The following COPS3 variants were observed in gnomAD, a reference collection of about 807,000 sequenced individuals.
COPS3 encodes the protein COP9 signalosome subunit 3, also known as COP9 signalosome complex subunit 3.
A neutral mutation model predicts 58.2 loss-of-function variants in COPS3; 10 were observed. That is an observed-to-expected ratio of 0.17 (90% CI 0.11 to 0.29). The LOEUF (loss-of-function observed/expected upper bound fraction) is 0.29. Among genes scored for constraint, COPS3 ranks in the 10% least tolerant of loss-of-function variants. COPS3 has a pLI of 1.00. For synonymous variants in COPS3, 187 were observed against 181.7 expected (o/e 1.03, Z -0.24); for missense variants, 333 against 510.1 (o/e 0.65, Z 3.34).
At chr17:17,280,835 C>T in intron 1 of COPS3, 1 of 1,231,940 alleles carries the variant, frequency 8.1e-7, no homozygotes, top group South Asian at 1.7e-5. Flanking sequence ...TGGCGGAAGT[C>T]ACGCCCCCAA....
At chr17:17,280,755 G>A (rs1040181007) in intron 1 of COPS3, 56 of 1,246,428 alleles carry the variant, frequency 4.5e-5, no homozygotes, top group Non-Finnish European at 3.9e-5. Flanking sequence ...CGGCAAAGAT[G>A]ACATGGCGGT....
At chr17:17,247,221 C>T (rs1304623153) in intron 11 of COPS3, 70 bp from the exon 12 acceptor site, 8 of 1,432,422 alleles carry the variant, frequency 5.6e-6, no homozygotes, top group Non-Finnish European at 7.9e-6. Context: ...GCCCAATAAG[C>T]ACACCAGTTG....
intron 1 of COPS3, among the ~76,000 whole-genome samples, chr17:17,278,259 A>G (rs925827694): frequency 6.6e-6 from 1 of 152,232 alleles, no homozygotes; most frequent in Non-Finnish European, 1.5e-5. Context: ...TTCTGGTAAC[A>G]GTGAGGATAT....
At chr17:17,249,095 G>C in intron 9 of COPS3, 56 bp from the exon 10 acceptor site, 1 of 901,796 alleles carries the variant, frequency 1.1e-6, no homozygotes. Context: ...AATGCTATAT[G>C]AATAGTCATC....
chr17:17,274,327 T>C (rs1175724058), intron 2 of COPS3, among the ~76,000 whole-genome samples: 4 of 152,068 alleles, frequency 2.6e-5, no homozygotes, highest in Non-Finnish European at 4.4e-5. Flanking sequence ...AATTACAAAG[T>C]GTAAATACAG....
intron 4 of COPS3, among the ~76,000 whole-genome samples, chr17:17,270,236 G>C (rs1767754285): frequency 6.6e-6 from 1 of 151,682 alleles, no homozygotes; most frequent in Non-Finnish European, 1.5e-5. Flanking sequence ...CTAATTTTTA[G>C]GCTTTACCCA....
At chr17:17,262,676 G>A (rs1400087993) in intron 6 of COPS3, among the ~76,000 whole-genome samples, 1 of 151,996 alleles carries the variant, frequency 6.6e-6, no homozygotes, top group Non-Finnish European at 1.5e-5. Flanking sequence ...CTTGCAGTGA[G>A]CTGAGATTGC....
At chr17:17,274,541 C>CA (rs1236794714) in intron 2 of COPS3, among the ~76,000 whole-genome samples, 1 of 151,664 alleles carries the variant, frequency 6.6e-6, no homozygotes, top group East Asian at 1.9e-4. Context: ...TCTCCTGCCT[C>CA]AGCCTCCCGA....
intron 1 of COPS3, chr17:17,280,575 A>G: frequency 7.8e-7 from 1 of 1,288,192 alleles, no homozygotes; most frequent in Non-Finnish European, 1.0e-6. Context: ...GAGTCCTACG[A>G]GCGAGAGCTT....
intron 9 of COPS3, among the ~76,000 whole-genome samples, chr17:17,253,580 A>G (rs957713283): frequency 2.0e-5 from 3 of 152,094 alleles, no homozygotes; most frequent in Non-Finnish European, 4.4e-5. Flanking sequence ...GGCCTCCTTT[A>G]TGTCAGTGCT....
chr17:17,270,273 C>A (rs1196131678), intron 4 of COPS3, among the ~76,000 whole-genome samples: 1 of 150,420 alleles, frequency 6.6e-6, no homozygotes, highest in Non-Finnish European at 1.5e-5. Context: ...TAAAGAACAG[C>A]AATAGCATAT....
chr17:17,268,129 C>A, intron 4 of COPS3, 152 bp from the exon 5 acceptor site: 1 of 1,162,808 alleles, frequency 8.6e-7, no homozygotes, highest in Non-Finnish European at 1.1e-6. Context: ...AAATTTCTGT[C>A]CCATTTAAGT....
chr17:17,266,686 C>T lies in COPS3; in HGVS notation c.441+1199G>A, dbSNP rs536344298. Reference sequence around the variant, plus strand: ...TAGTGGTGCACGTCCACAATCCCAGCTACTCAGGAGGCTGAGGAAGGAGAA... The same window carrying T: ...TAGTGGTGCACGTCCACAATCCCAGTTACTCAGGAGGCTGAGGAAGGAGAA... On this transcript the variant is annotated intron_variant, in intron 5 of 11. Coordinates refer to ENST00000268717, the MANE Select transcript of COPS3 (RefSeq NM_003653.4). Among the ~76,000 whole-genome samples the T allele has an allele frequency of 7.9e-5, 12 of 152,052 alleles. No individual in the cohort carries two copies. In the East Asian group the frequency reaches 2.3e-3, roughly 29 times the overall value.
chr17:17,248,175 A>G (rs865934220), intron 10 of COPS3, among the ~76,000 whole-genome samples: 2 of 152,198 alleles, frequency 1.3e-5, no homozygotes, highest in Middle Eastern at 3.2e-3. Context: ...CAGCAAAAAC[A>G]TAAGGCTCTA....
chr17:17,278,184 C>T (rs1020521170), intron 1 of COPS3, among the ~76,000 whole-genome samples: 2 of 152,080 alleles, frequency 1.3e-5, no homozygotes, highest in African/African-American at 4.8e-5. Flanking sequence ...GAATTGGTAC[C>T]TTTAAGTAGA....
rs925194205 is a variant in COPS3, at chr17:17,267,370, G to A, written c.441+515C>T. 2.6e-5 allele frequency among the ~76,000 whole-genome samples: 4 copies of A among 151,068 alleles called. No homozygotes were observed. In the East Asian group the frequency reaches 5.9e-4, roughly 22 times the overall value. ...AAAGTTACAACTAGGGCCGGGTGTG[G>A]TGGCTCACACCTGTAATCCTAGCAC... On this transcript the variant is annotated intron_variant, in intron 5 of 11. Coordinates refer to ENST00000268717, the MANE Select transcript of COPS3 (RefSeq NM_003653.4).
chr17:17,254,435 C>T (rs942763855), intron 9 of COPS3, among the ~76,000 whole-genome samples: 4 of 152,128 alleles, frequency 2.6e-5, no homozygotes, highest in Admixed American at 6.6e-5. Flanking sequence ...AGGCTCCCCC[C>T]GCTTTTCTCC....
intron 10 of COPS3, among the ~76,000 whole-genome samples, chr17:17,248,179 G>C (rs1241262961): frequency 6.6e-6 from 1 of 152,172 alleles, no homozygotes; most frequent in African/African-American, 2.4e-5. Context: ...AAAAACATAA[G>C]GCTCTATGTT....
At chr17:17,273,279 T>C (rs1337921942) in intron 2 of COPS3, among the ~76,000 whole-genome samples, 1 of 152,202 alleles carries the variant, frequency 6.6e-6, no homozygotes, top group African/African-American at 2.4e-5. Context: ...TATGCAGCTA[T>C]TTAAATTAAA....
Sources: gnomAD v4.1 joint callset for allele counts (sites outside exome capture counted in the v4.1 genomes callset) on GRCh38, gnomAD v4.1.1 for gene constraint, MANE v1.5 for transcripts, NCBI Gene and HGNC (gene_info 2026-07-23, HGNC 2026-07-21) for gene names.